GLI3: variants seen among roughly 807,000 people sequenced by gnomAD.
GLI3 encodes GLI family zinc finger 3, also known as transcription activator GLI3.
GLI3 carries 20 observed loss-of-function variants against 100.8 expected under a neutral mutation model. The observed-to-expected ratio is 0.20, with a 90% CI of 0.14 to 0.29. The LOEUF is 0.29. Among genes scored for constraint, GLI3 ranks in the 10% least tolerant of loss-of-function variants. The probability of loss-of-function intolerance (pLI) is 1.00; values close to 1 mark genes in which losing one functional copy is unlikely to be tolerated. For synonymous variants in GLI3, 938 were observed against 860.5 expected, an observed-to-expected ratio of 1.09 and a Z score of -1.58; for missense variants, 2,040 against 2,128.5, an observed-to-expected ratio of 0.96 and a Z score of 0.82.
chr7:42,069,245 A>G (rs1184906844), intron 4 of GLI3, among the ~76,000 whole-genome samples: 1 of 152,240 alleles, frequency 6.6e-6, no homozygotes, highest in East Asian at 1.9e-4. Flanking sequence ...GACCGAATTC[A>G]GTATTTCAGT....
chr7:42,040,197 C>A lies in GLI3; in HGVS notation c.869G>T (p.Arg290Leu), dbSNP rs749520162. The stretch of plus-strand genomic sequence containing the variant: ...TGGTGATATGGACAGTGTACGTTTT[C>A]GGCTCGGCCTGGCTGACAGCCTGGG... ...SSPRLSARPS[R>L]KRTLSISPLS... Residue 290 changes from arginine to leucine, a missense_variant, in exon 7 of 15, where the codon CGA (arginine) becomes CTA (leucine). By Grantham distance (102) the Arg-to-Leu change is moderately radical (BLOSUM62 -2). Coordinates refer to ENST00000395925, the MANE Select transcript of GLI3 (RefSeq NM_000168.6). 6.2e-7 allele frequency: 1 copy of A among 1,613,998 alleles called. No individual in the cohort carries two copies. The highest frequency in any genetic ancestry group is 8.5e-7 in the Non-Finnish European group (1 of 1,179,908).
chr7:42,062,952 T>C (rs1423707118), intron 4 of GLI3, among the ~76,000 whole-genome samples: 3 of 152,104 alleles, frequency 2.0e-5, no homozygotes, highest in Non-Finnish European at 4.4e-5. Context: ...CGCTAAACTG[T>C]ATTGCAGATA....
rs543447540 is a variant in GLI3, at chr7:42,040,203, G to A, written c.863C>T (p.Pro288Leu). Residue 288 changes from proline to leucine, a missense_variant, in exon 7 of 15, where the codon CCG becomes CTG. Coordinates refer to ENST00000395925, the MANE Select transcript of GLI3 (RefSeq NM_000168.6). ...RFSSPRLSAR[P>L]SRKRTLSISP... ...TATGGACAGTGTACGTTTTCGGCTC[G>A]GCCTGGCTGACAGCCTGGGGCTGGA... 38 of 1,613,880 alleles carry A rather than the reference G, an allele frequency of 2.4e-5. No homozygotes were observed. Among genetic ancestry groups the A allele is most frequent in the East Asian group, 1.3e-4 (6 of 44,868 alleles).
At chr7:42,013,789 A>G (rs1174770007) in intron 10 of GLI3, among the ~76,000 whole-genome samples, 1 of 152,192 alleles carries the variant, frequency 6.6e-6, no homozygotes, top group African/African-American at 2.4e-5. Flanking sequence ...TCTCCCATAA[A>G]CTATCAGAGA....
chr7:42,213,957 C>T (rs992529146), intron 2 of GLI3, among the ~76,000 whole-genome samples: 6 of 152,260 alleles, frequency 3.9e-5, no homozygotes, highest in Non-Finnish European at 8.8e-5. Flanking sequence ...CAAATGCAAA[C>T]ACACTCGGGC....
At chr7:42,028,770 AAAT>A (rs147616149) in intron 7 of GLI3, among the ~76,000 whole-genome samples, 83,633 of 145,878 alleles carry the variant, frequency 0.57, 24,777 homozygotes, top group African/African-American at 0.72. Flanking sequence ...TCTCAAAAAT[AAAT>A]AATAATAATA....
At chr7:42,088,498 C>T (rs1483661702) in intron 3 of GLI3, among the ~76,000 whole-genome samples, 1 of 152,206 alleles carries the variant, frequency 6.6e-6, no homozygotes, top group Non-Finnish European at 1.5e-5. Flanking sequence ...TATCTCTGAC[C>T]GTCCACCCCT....
At chr7:42,251,652 A>G (rs1326543358) in intron 1 of GLI3, among the ~76,000 whole-genome samples, 1 of 152,202 alleles carries the variant, frequency 6.6e-6, no homozygotes, top group African/African-American at 2.4e-5. Flanking sequence ...ACTACATGCC[A>G]GGCATCATTC....
At chr7:42,133,435 G>A (rs1786343426) in intron 3 of GLI3, among the ~76,000 whole-genome samples, 1 of 152,094 alleles carries the variant, frequency 6.6e-6, no homozygotes, top group African/African-American at 2.4e-5. Context: ...TTCTCAACCA[G>A]TCAGACTCCA....
intron 7 of GLI3, among the ~76,000 whole-genome samples, chr7:42,035,502 G>A (rs1244680558): frequency 6.6e-6 from 1 of 152,172 alleles, no homozygotes; most frequent in Non-Finnish European, 1.5e-5. Flanking sequence ...GGGGTGATGT[G>A]CAAAATGGGA....
At chr7:42,020,845 G>C (rs975861546) in intron 10 of GLI3, among the ~76,000 whole-genome samples, 9 of 149,184 alleles carry the variant, frequency 6.0e-5, no homozygotes, top group Non-Finnish European at 1.2e-4. Flanking sequence ...AGCCGAGATC[G>C]CGCCACTGCA....
intron 7 of GLI3, 64 bp downstream of exon 7, chr7:42,039,974 C>A (rs1784098182): frequency 4.9e-6 from 6 of 1,212,844 alleles, no homozygotes; most frequent in Non-Finnish European, 7.4e-6. Context: ...TGCATCACTA[C>A]AGGTGCAAAC....
At chr7:42,050,928 G>A (rs866195923) in intron 4 of GLI3, among the ~76,000 whole-genome samples, 37 of 152,252 alleles carry the variant, frequency 2.4e-4, no homozygotes, top group African/African-American at 8.7e-4. Flanking sequence ...AAAAATTATA[G>A]CGGCCAGGCT....
chr7:42,238,505 A>C (rs1788881008), upstream of GLI3, among the ~76,000 whole-genome samples: 1 of 151,980 alleles, frequency 6.6e-6, no homozygotes, highest in Non-Finnish European at 1.5e-5. Flanking sequence ...AGCGAGGAGG[A>C]GCTCCCACCA....
intron 6 of GLI3, among the ~76,000 whole-genome samples, chr7:42,040,514 T>C (rs1391448288): frequency 6.6e-6 from 1 of 152,182 alleles, no homozygotes; most frequent in Admixed American, 6.5e-5. Context: ...TTATGTGTTA[T>C]CCCTTTCATT....
chr7:42,048,637 G>T lies in GLI3; in HGVS notation c.533C>A (p.Pro178Gln). 6.2e-7 allele frequency: 1 copy of T among 1,610,886 alleles called. No homozygotes were observed. Among genetic ancestry groups the T allele is most frequent in the South Asian group, 1.1e-5 (1 of 90,822 alleles). ...GGAAGCAGCAGTGGGGTTCCGGTGT[G>T]GGGAGATCCTAATGAAGGGCAGGTC... ...YPDLPFIRIS[P>Q]HRNPTAASES... Residue 178 changes from proline (P) to glutamine (Q), a missense_variant, in exon 5 of 15, where the codon CCA becomes CAA. Transcript: ENST00000395925.
chr7:42,226,724 T>C (rs73311732), intron 1 of GLI3, among the ~76,000 whole-genome samples: 2 of 152,368 alleles, frequency 1.3e-5, no homozygotes, highest in African/African-American at 4.8e-5. Context: ...CTGCTTCCTG[T>C]ACACTCCTAT....
intron 10 of GLI3, among the ~76,000 whole-genome samples, chr7:41,998,862 T>G (rs754125883): frequency 6.6e-6 from 1 of 152,362 alleles, no homozygotes; most frequent in Admixed American, 6.5e-5. Context: ...CTTTCTCTTC[T>G]GCTAAAAATA....
At chr7:41,998,460 G>GCAC (rs1456609848) in intron 10 of GLI3, among the ~76,000 whole-genome samples, 24 of 152,110 alleles carry the variant, frequency 1.6e-4, no homozygotes, top group African/African-American at 5.6e-4. Context: ...TGCTAATTAT[G>GCAC]CATTCATTAA....
Sources: gnomAD v4.1 joint callset for allele counts (sites outside exome capture counted in the v4.1 genomes callset) on GRCh38, gnomAD v4.1.1 for gene constraint, MANE v1.5 for transcripts, NCBI Gene and HGNC (gene_info 2026-07-23, HGNC 2026-07-21) for gene names.